Variants in GPLD1 observed in about 807,000 individuals in gnomAD.
GPLD1 encodes phosphatidylinositol-glycan-specific phospholipase D.
A neutral mutation model predicts 112.6 loss-of-function variants in GPLD1; 84 were observed. That is an observed-to-expected ratio of 0.75 (90% confidence interval 0.63 to 0.89). GPLD1 has a LOEUF of 0.89. Among genes scored for constraint, GPLD1 ranks in the 40% least tolerant of loss-of-function variants. The probability of loss-of-function intolerance (pLI) is 0.00; values close to 1 mark genes in which losing one functional copy is unlikely to be tolerated. For synonymous variants in GPLD1, 386 were observed against 403.8 expected, an observed-to-expected ratio of 0.96 and a Z score of 0.53; for missense variants, 1,044 against 1,051.5, an observed-to-expected ratio of 0.99 and a Z score of 0.10.
chr6:24,452,735 C>T (rs1017456186), intron 14 of GPLD1, among the ~76,000 whole-genome samples: 3 of 149,432 alleles, frequency 2.0e-5, no homozygotes, highest in African/African-American at 4.9e-5. Flanking sequence ...AAGATCATGC[C>T]ACTGCACTCC....
In GPLD1 at chr6:24,489,437, G is replaced by A. The variant is rs367581299; in HGVS notation, c.75C>T (p.Gly25=). Reference sequence around the variant, plus strand: ...TACCTATTTCTACGTGTGTTGAAAGGCCACACGGTGAACCTCTATGGCAGA... The same window carrying A: ...TACCTATTTCTACGTGTGTTGAAAGACCACACGGTGAACCTCTATGGCAGA... ...GSLCHRGSPC[G]LSTHVEIGHR... Residue 25 remains glycine, a synonymous_variant, in exon 1 of 25, where the codon GGC becomes GGT. Transcript: ENST00000230036. 98 of 1,611,822 alleles carry A rather than the reference G, an allele frequency of 6.1e-5. No homozygotes were observed. Among genetic ancestry groups the A allele is most frequent in the Non-Finnish European group, 8.0e-5 (94 of 1,178,076 alleles).
At position 24,462,764 on chromosome 6, in the gene GPLD1, T is replaced by C; in HGVS notation, c.853A>G (p.Ile285Val). ...TGGTTTTGCTGGCCGCCACATGCAA[T>C]GAACAGAGGGTTCTCAGGCAGGTTG... is the stretch of plus-strand genomic sequence containing the variant. ...DCNLPENPLFIACGGQQNHTQ... is the reference protein window; with the variant it reads ...DCNLPENPLFVACGGQQNHTQ... Residue 285 changes from isoleucine to valine, a missense_variant, in exon 11 of 25, where the codon ATT becomes GTT. Transcript: ENST00000230036. 4 of 1,613,622 alleles carry C rather than the reference T, an allele frequency of 2.5e-6. No homozygotes were observed. The highest frequency in any genetic ancestry group is 2.5e-6 in the Non-Finnish European group (3 of 1,179,486).
chr6:24,463,709 A>G (rs1291698799), intron 10 of GPLD1, among the ~76,000 whole-genome samples: 5 of 152,208 alleles, frequency 3.3e-5, no homozygotes, highest in African/African-American at 4.8e-5. Context: ...ACCAAATAAC[A>G]TAAGTGAGCT....
In GPLD1 at chr6:24,428,307, G is replaced by A. The variant is rs950728708; in HGVS notation, c.*725C>T. On this transcript the variant is annotated 3_prime_UTR_variant, in exon 25 of 25. Coordinates refer to ENST00000230036, the MANE Select transcript of GPLD1 (RefSeq NM_001503.4). ...GCTGGTTTGTTACATACATAAAGGT[G>A]TGTCATGGGGGTTTGTTACACAGAT... 2.0e-5 allele frequency: 3 copies of A among 152,128 alleles called. No homozygotes were observed. The highest frequency in any genetic ancestry group is 4.8e-5 in the African/African-American group (2 of 41,426). The allele number at this position is 152,128 out of a possible 1,614,324, so 9.4% of individuals were successfully genotyped here. A position where few individuals can be genotyped will look rare whatever the true frequency, so the allele number is the denominator to read the frequency against.
At position 24,437,120 on chromosome 6, in the gene GPLD1, A is replaced by T. The variant is rs756302917; in HGVS notation, c.2190T>A (p.Asp730Glu). 5 of 1,613,948 alleles carry T rather than the reference A, an allele frequency of 3.1e-6. No individual in the cohort carries two copies. Among genetic ancestry groups the T allele is most frequent in the Non-Finnish European group, 4.2e-6 (5 of 1,179,890 alleles). ...GTCCTGTTCCTTTCTTACCTAAGCCATCATCATCCAGGTCACTCAAGTGCA... is the reference window on the plus strand; with the variant it reads ...GTCCTGTTCCTTTCTTACCTAAGCCTTCATCATCCAGGTCACTCAAGTGCA... ...GVLHLSDLDDDGLDEIIMAAP... is the reference protein window; with the variant it reads ...GVLHLSDLDDEGLDEIIMAAP... The change falls in exon 21 of 25, where the codon GAT (aspartate) becomes GAA (glutamate). Residue 730 changes from aspartate (D) to glutamate (E), a missense_variant. By Grantham distance (45) the Asp-to-Glu change is conservative. Coordinates refer to ENST00000230036, the MANE Select transcript of GPLD1 (RefSeq NM_001503.4).
At position 24,433,679 on chromosome 6, in the gene GPLD1, G is replaced by A. The variant is rs538188034; in HGVS notation, c.2359-290C>T. ...GGTTAATTTTTTTGTATTTTTAGTA[G>A]AGAGGCGGTTTCACCACGTTGGCCA... On this transcript the variant is annotated intron_variant, in intron 22 of 24. Transcript: ENST00000230036. 6.6e-4 allele frequency: 195 copies of A among 297,258 alleles called. 3 individuals carry two copies. The South Asian group carries it at 7.6e-3, about 12-fold the overall frequency. The allele number at this position is 297,258 out of a possible 1,614,324, so 18.4% of individuals were successfully genotyped here. A position where few individuals can be genotyped will look rare whatever the true frequency, so the allele number is the denominator to read the frequency against.
intron 21 of GPLD1, 52 bp from the exon 22 acceptor site, chr6:24,436,788 C>G (rs1318763979): frequency 1.3e-6 from 2 of 1,572,014 alleles, no homozygotes; most frequent in Admixed American, 1.7e-5. Context: ...TCACTGTCAT[C>G]TTTTCCTTGT....
At chr6:24,465,209 AAAAAGAAAAG>A (rs1183805981) in intron 10 of GPLD1, among the ~76,000 whole-genome samples, 28 of 107,332 alleles carry the variant, frequency 2.6e-4, no homozygotes, top group African/African-American at 6.4e-4. Flanking sequence ...AAAAAAAAAA[AAAAAGAAAAG>A]AAAAGAAAAG....
chr6:24,467,350 C>T (rs1763653933), intron 7 of GPLD1, 76 bp from the exon 8 acceptor site: 2 of 811,178 alleles, frequency 2.5e-6, no homozygotes, highest in South Asian at 1.4e-5. Context: ...CAGCAGCTAC[C>T]AGTTATTCCG....
chr6:24,475,308 T>A, intron 4 of GPLD1, 77 bp from the exon 5 acceptor site: 2 of 808,618 alleles, frequency 2.5e-6, no homozygotes, highest in Non-Finnish European at 2.1e-6. Context: ...TTTTAATAAA[T>A]ATAAATTCAT....
rs1202739991 is a variant in GPLD1, at chr6:24,442,092, C to A, written c.2020+3454G>T. Among the ~76,000 whole-genome samples the A allele has an allele frequency of 2.7e-5, 4 of 149,452 alleles. No homozygotes were observed. The East Asian group carries it at 7.7e-4, about 29-fold the overall frequency. ...TATAAATTAGCATATTATATACATA[C>A]ATAAAAGTTATAATTAAACTTATTT... On this transcript the variant is annotated intron_variant, in intron 20 of 24. Coordinates refer to ENST00000230036, the MANE Select transcript of GPLD1 (RefSeq NM_001503.4).
chr6:24,494,247 C>A (rs1051085729), upstream of GPLD1, among the ~76,000 whole-genome samples: 10 of 152,286 alleles, frequency 6.6e-5, no homozygotes, highest in South Asian at 1.9e-3. Flanking sequence ...TATCTCACAA[C>A]AAAATGGGGT....
In GPLD1 at chr6:24,446,915, T is replaced by G; in HGVS notation, c.1743A>C (p.Gly581=). The G allele has an allele frequency of 6.2e-7, 1 of 1,614,014 alleles. No individual in the cohort carries two copies. The highest frequency in any genetic ancestry group is 8.5e-7 in the Non-Finnish European group (1 of 1,179,962). ...VRGEEDFSWF[G]YSLHGVTVDN... ...CCACAGTGACACCGTGAAGGGAATA[T>G]CCAAACCAGGAGAAGTCTTCCTCGC... is the stretch of plus-strand genomic sequence containing the variant. The change falls in exon 18 of 25, where the codon GGA becomes GGC. Residue 581 remains glycine (G), a synonymous_variant. Transcript: ENST00000230036.
chr6:24,454,428 A>G (rs1763200260), intron 13 of GPLD1, among the ~76,000 whole-genome samples: 1 of 152,202 alleles, frequency 6.6e-6, no homozygotes, highest in East Asian at 1.9e-4. Context: ...AAGGCCTCTA[A>G]GCATTTCTGG....
intron 11 of GPLD1, among the ~76,000 whole-genome samples, chr6:24,462,469 C>T (rs1207249228): frequency 1.3e-5 from 2 of 152,160 alleles, no homozygotes; most frequent in Non-Finnish European, 2.9e-5. Flanking sequence ...TCAACATGTG[C>T]TAATTGCTTT....
At chr6:24,449,734 G>C in intron 15 of GPLD1, 55 bp downstream of exon 15, 1 of 1,238,560 alleles carries the variant, frequency 8.1e-7, no homozygotes, top group Non-Finnish European at 1.2e-6. Context: ...GCCTCCCTCA[G>C]AGTCCCCTCC....
chr6:24,485,543 T>A (rs1316523054), intron 2 of GPLD1, among the ~76,000 whole-genome samples: 1 of 152,202 alleles, frequency 6.6e-6, no homozygotes, highest in African/African-American at 2.4e-5. Context: ...GTGTGATATA[T>A]ATAAGATACC....
At position 24,445,589 on chromosome 6, in the gene GPLD1, A is replaced by G. The variant is rs2127328751; in HGVS notation, c.1977T>C (p.Asn659=). The change falls in exon 20 of 25, where the codon AAT becomes AAC. Residue 659 remains asparagine, a synonymous_variant. Coordinates refer to ENST00000230036, the MANE Select transcript of GPLD1 (RefSeq NM_001503.4). ...TSLSSGHVLM[N]GTLKQVLLVG... ...CCAGCAGCACTTGTTTCAGAGTCCC[A>G]TTCATCAGTACGTGGCCACTGGAAA... The G allele has an allele frequency of 1.2e-6, 2 of 1,614,068 alleles. No individual in the cohort carries two copies. Among genetic ancestry groups the G allele is most frequent in the Non-Finnish European group, 1.7e-6 (2 of 1,179,940 alleles).
chr6:24,491,959 C>T (rs773977413), upstream of GPLD1, among the ~76,000 whole-genome samples: 1 of 152,034 alleles, frequency 6.6e-6, no homozygotes, highest in African/African-American at 2.4e-5. Flanking sequence ...AAAGTTAAAA[C>T]GTAGCTCACA....
Sources: gnomAD v4.1 joint callset for allele counts (sites outside exome capture counted in the v4.1 genomes callset) on GRCh38, gnomAD v4.1.1 for gene constraint, MANE v1.5 for transcripts, NCBI Gene and HGNC (gene_info 2026-07-23, HGNC 2026-07-21) for gene names.